The following NOS1AP variants were observed in gnomAD, a reference collection of about 807,000 sequenced individuals.
NOS1AP encodes the protein nitric oxide synthase 1 adaptor protein.
Under a neutral mutation model 56.2 loss-of-function variants are expected in NOS1AP, and 21 were observed. The observed-to-expected ratio is 0.37, with a 90% CI of 0.26 to 0.54. The LOEUF is 0.54. Ranked by LOEUF, NOS1AP falls within the 20% of genes least tolerant of loss-of-function variation. The pLI is 0.84. For synonymous variants in NOS1AP, 270 were observed against 274.6 expected (o/e 0.98, Z 0.17); for missense variants, 522 against 657.8 (o/e 0.79, Z 2.26).
chr1:162,240,244 AGTGTGTGT>A (rs5778260), intron 2 of NOS1AP, among the ~76,000 whole-genome samples: 48 of 141,300 alleles, frequency 3.4e-4, no homozygotes, highest in Non-Finnish European at 4.0e-4. Context: ...CTGTGTGGCC[AGTGTGTGT>A]GTGTGTGTGT....
At chr1:162,135,430 G>A (rs529121058) in intron 1 of NOS1AP, among the ~76,000 whole-genome samples, 1 of 152,290 alleles carries the variant, frequency 6.6e-6, no homozygotes, top group East Asian at 1.9e-4. Flanking sequence ...CATTCTGGAA[G>A]GTTTCCAGTA....
intron 1 of NOS1AP, among the ~76,000 whole-genome samples, chr1:162,115,895 G>T (rs10494366): frequency 0.54 from 82,191 of 152,000 alleles, 23,424 homozygotes; most frequent in Non-Finnish European, 0.64. Flanking sequence ...AGGTATGCAG[G>T]TTTTAAATTC....
chr1:162,268,569 A>G (rs1654493991), intron 2 of NOS1AP, among the ~76,000 whole-genome samples: 1 of 152,190 alleles, frequency 6.6e-6, no homozygotes, highest in Non-Finnish European at 1.5e-5. Context: ...CCAAAATCCC[A>G]GGATGTTTGA....
intron 2 of NOS1AP, among the ~76,000 whole-genome samples, chr1:162,250,533 T>G (rs1180263393): frequency 7.5e-6 from 1 of 132,678 alleles, no homozygotes; most frequent in African/African-American, 2.8e-5. Context: ...GAAAGCTGTA[T>G]TGTCTCCTCC....
At chr1:162,082,689 G>A (rs942301056) in intron 1 of NOS1AP, among the ~76,000 whole-genome samples, 1 of 152,170 alleles carries the variant, frequency 6.6e-6, no homozygotes, top group Non-Finnish European at 1.5e-5. Flanking sequence ...GTAATGATCA[G>A]TGATGTTGAG....
At chr1:162,318,999 C>T (rs528355651) in intron 4 of NOS1AP, among the ~76,000 whole-genome samples, 4 of 152,252 alleles carry the variant, frequency 2.6e-5, no homozygotes, top group East Asian at 3.9e-4. Flanking sequence ...TGGTGGCTGC[C>T]CCTGCCTTTG....
Position 162,135,739 on chromosome 1 carries a change from G to C in NOS1AP, c.106-18666G>C, listed in dbSNP as rs74642688. On this transcript the variant is annotated intron_variant, in intron 1 of 9. Coordinates refer to ENST00000361897, the MANE Select transcript of NOS1AP (RefSeq NM_014697.3). ...TTTCAAGACCAAAAGTGGCAAAGAGGCTGACTTACTTTTGGGAACATTAAA... is the reference window on the plus strand; with the variant it reads ...TTTCAAGACCAAAAGTGGCAAAGAGCCTGACTTACTTTTGGGAACATTAAA... Among the ~76,000 whole-genome samples, 8 of 152,278 alleles carry C rather than the reference G, an allele frequency of 5.3e-5. No individual in the cohort carries two copies. In the East Asian group the frequency reaches 1.5e-3, roughly 29 times the overall value.
intron 2 of NOS1AP, among the ~76,000 whole-genome samples, chr1:162,183,479 C>T (rs1269350123): frequency 6.6e-6 from 1 of 152,196 alleles, no homozygotes; most frequent in Non-Finnish European, 1.5e-5. Context: ...TTATTGATTT[C>T]TCTTCTCTAG....
At chr1:162,297,795 G>A (rs1186023506) in intron 3 of NOS1AP, among the ~76,000 whole-genome samples, 1 of 152,162 alleles carries the variant, frequency 6.6e-6, no homozygotes, top group African/African-American at 2.4e-5. Flanking sequence ...CTCCTGCTAA[G>A]TACAGCTGAA....
chr1:162,327,463 C>A (rs1378894699), intron 4 of NOS1AP, among the ~76,000 whole-genome samples: 1 of 152,158 alleles, frequency 6.6e-6, no homozygotes, highest in Non-Finnish European at 1.5e-5. Flanking sequence ...AAACCTGCAT[C>A]AGGAATTACC....
chr1:162,153,657 A>G (rs1005587144), intron 1 of NOS1AP, among the ~76,000 whole-genome samples: 15 of 152,370 alleles, frequency 9.8e-5, no homozygotes, highest in African/African-American at 3.1e-4. Flanking sequence ...TTGCAGAACA[A>G]TGTGAGTAAT....
intron 2 of NOS1AP, among the ~76,000 whole-genome samples, chr1:162,176,894 T>A (rs1487813637): frequency 6.6e-6 from 1 of 152,238 alleles, no homozygotes; most frequent in Non-Finnish European, 1.5e-5. Context: ...CAGATTTTGA[T>A]GATTACGAAT....
At chr1:162,099,187 C>CT (rs1209300721) in intron 1 of NOS1AP, among the ~76,000 whole-genome samples, 16 of 136,924 alleles carry the variant, frequency 1.2e-4, no homozygotes, top group South Asian at 2.3e-4. Context: ...TACTTTTTGA[C>CT]TTTTTTTTTG....
At chr1:162,337,097 ATCC>A (rs1381892597) in intron 5 of NOS1AP, among the ~76,000 whole-genome samples, 1 of 152,196 alleles carries the variant, frequency 6.6e-6, no homozygotes. Context: ...AGTGGATGTC[ATCC>A]TCCTGTCATT....
At chr1:162,347,429 G>A (rs1214506460) in intron 6 of NOS1AP, among the ~76,000 whole-genome samples, 1 of 152,208 alleles carries the variant, frequency 6.6e-6, no homozygotes, top group Non-Finnish European at 1.5e-5. Flanking sequence ...CCCAGAGGTT[G>A]AATGTTTGAA....
chr1:162,129,281 A>G (rs1333402294), intron 1 of NOS1AP, among the ~76,000 whole-genome samples: 3 of 151,984 alleles, frequency 2.0e-5, no homozygotes, highest in Admixed American at 6.6e-5. Context: ...GTGTTATTGT[A>G]TAACTGGTTT....
intron 2 of NOS1AP, among the ~76,000 whole-genome samples, chr1:162,285,078 CTGT>C (rs1655048184): frequency 2.6e-5 from 4 of 152,168 alleles, no homozygotes; most frequent in African/African-American, 9.7e-5. Flanking sequence ...AAGTGATATA[CTGT>C]AAGAGACCAA....
chr1:162,324,205 G>GC (rs1252133547), intron 4 of NOS1AP, among the ~76,000 whole-genome samples: 1 of 151,998 alleles, frequency 6.6e-6, no homozygotes, highest in Non-Finnish European at 1.5e-5. Context: ...GATGGTTTAA[G>GC]CCCCCCAAAT....
Position 162,070,144 on chromosome 1 carries a change from C to T in NOS1AP, c.-34C>T. On this transcript the variant is annotated 5_prime_UTR_variant, in exon 1 of 10. Transcript: ENST00000361897. ...CTCGCCAGCCCCTTCCTGCAGCCGC[C>T]GCCTCCGAAGGAGCGGGTCCGCCGC... 6.4e-7 allele frequency: 1 copy of T among 1,571,414 alleles called. No individual in the cohort carries two copies. The highest frequency in any genetic ancestry group is 8.8e-7 in the Non-Finnish European group (1 of 1,141,802).
Sources: gnomAD v4.1 joint callset for allele counts (sites outside exome capture counted in the v4.1 genomes callset) on GRCh38, gnomAD v4.1.1 for gene constraint, MANE v1.5 for transcripts, NCBI Gene and HGNC (gene_info 2026-07-23, HGNC 2026-07-21) for gene names.